The following CDHR3 variants were observed in gnomAD, a reference collection of about 807,000 sequenced individuals.
CDHR3 encodes cadherin related family member 3.
In CDHR3, 79 loss-of-function variants were observed where a neutral mutation model predicts 86.6. The observed-to-expected ratio is 0.91, with a 90% CI of 0.76 to 1.10. The LOEUF (loss-of-function observed/expected upper bound fraction) is 1.10. CDHR3 is among the 50% of genes least tolerant of loss of function. The pLI, the probability that CDHR3 is intolerant of heterozygous loss-of-function variation, is 0.00. For synonymous variants in CDHR3, 421 were observed against 402.4 expected (o/e 1.05, Z -0.55); for missense variants, 1,081 against 1,077.6 (o/e 1.00, Z -0.04).
At chr7:105,982,858 C>G (rs973900827) in intron 3 of CDHR3, among the ~76,000 whole-genome samples, 26 of 152,032 alleles carry the variant, frequency 1.7e-4, no homozygotes, top group African/African-American at 5.3e-4. Flanking sequence ...TGGCAGGTAC[C>G]TGTAGTTCCA....
At chr7:106,003,152 A>AG (rs56254430) in intron 7 of CDHR3, among the ~76,000 whole-genome samples, 27 of 151,324 alleles carry the variant, frequency 1.8e-4, no homozygotes, top group Non-Finnish European at 2.8e-4. Flanking sequence ...AAAAAAAAAA[A>AG]GTGATTCATG....
intron 8 of CDHR3, among the ~76,000 whole-genome samples, chr7:106,009,974 G>C (rs547454442): frequency 1.3e-5 from 2 of 152,308 alleles, no homozygotes; most frequent in East Asian, 1.9e-4. Flanking sequence ...CTGAATGAGG[G>C]GAGTGGCTTT....
At chr7:105,990,530 C>A (rs1185948661) in intron 4 of CDHR3, among the ~76,000 whole-genome samples, 1 of 152,182 alleles carries the variant, frequency 6.6e-6, no homozygotes, top group African/African-American at 2.4e-5. Flanking sequence ...ATATTTGTAA[C>A]TTGCCACAGT....
chr7:106,005,652 G>A (rs1476241387), intron 8 of CDHR3, among the ~76,000 whole-genome samples: 2 of 152,158 alleles, frequency 1.3e-5, no homozygotes, highest in African/African-American at 2.4e-5. Flanking sequence ...TTCTCCAGGC[G>A]ACTCTGGACA....
intron 9 of CDHR3, among the ~76,000 whole-genome samples, chr7:106,014,402 G>A (rs983570316): frequency 4.6e-5 from 7 of 152,002 alleles, no homozygotes; most frequent in African/African-American, 9.7e-5. Context: ...AATTAGGTAC[G>A]GTAAGTATTG....
chr7:106,021,242 A>T (rs1836515709), intron 13 of CDHR3, among the ~76,000 whole-genome samples: 2 of 152,066 alleles, frequency 1.3e-5, no homozygotes, highest in African/African-American at 4.8e-5. Context: ...AGAGATTTAA[A>T]CCCAAACAAG....
chr7:106,026,165 T>C (rs1017235943), intron 15 of CDHR3, among the ~76,000 whole-genome samples: 1 of 152,184 alleles, frequency 6.6e-6, no homozygotes, highest in East Asian at 1.9e-4. Context: ...CTTTGTCAAA[T>C]AGCAAAGAAG....
intron 11 of CDHR3, among the ~76,000 whole-genome samples, chr7:106,016,755 C>T (rs894279881): frequency 1.3e-5 from 2 of 152,216 alleles, no homozygotes; most frequent in African/African-American, 2.4e-5. Context: ...CATTTCCTGA[C>T]ATTAAGTTTT....
At chr7:106,013,397 G>A (rs151144075) in intron 9 of CDHR3, among the ~76,000 whole-genome samples, 158 of 152,268 alleles carry the variant, frequency 1.0e-3, no homozygotes, top group South Asian at 9.3e-3. Flanking sequence ...GAGAAAGCAG[G>A]GCCAGGACCT....
At position 106,018,191 on chromosome 7, in the gene CDHR3, GT is replaced by G. The variant is rs1045283490; in HGVS notation, c.1653+120del. On this transcript the variant is annotated intron_variant, in intron 12 of 18. Coordinates refer to ENST00000317716, the MANE Select transcript of CDHR3 (RefSeq NM_152750.5). ...ACTTCCCAGGGTACATCCTGCGGAT[GT>G]GGTGAGAAACAAGTAAAGGTGCCCT... 1.1e-5 allele frequency: 8 copies of G among 738,146 alleles called. No individual in the cohort carries two copies. The African/African-American group carries it at 1.2e-4, about 11-fold the overall frequency. The allele number at this position is 738,146 out of a possible 1,614,324, so 45.7% of individuals were successfully genotyped here.
rs572476376 is a variant in CDHR3, at chr7:106,023,832, C to A, written c.2077-549C>A. Among the ~76,000 whole-genome samples, 4 of 152,364 alleles carry A rather than the reference C, an allele frequency of 2.6e-5. No individual in the cohort carries two copies. In the East Asian group the frequency reaches 7.7e-4, roughly 29 times the overall value. Reference sequence around the variant, plus strand: ...GTTCCCACCTTTCTTGGGCTCAGAGCATGACCTGATTGTGACATCTCCAAT... The same window carrying A: ...GTTCCCACCTTTCTTGGGCTCAGAGAATGACCTGATTGTGACATCTCCAAT... On this transcript the variant is annotated intron_variant, in intron 14 of 18. Coordinates refer to ENST00000317716, the MANE Select transcript of CDHR3 (RefSeq NM_152750.5).
At chr7:105,974,289 T>C (rs940657513) in intron 1 of CDHR3, among the ~76,000 whole-genome samples, 7 of 152,242 alleles carry the variant, frequency 4.6e-5, no homozygotes, top group African/African-American at 1.7e-4. Flanking sequence ...GCCCTCTGCA[T>C]GATGCCTACA....
chr7:106,004,489 C>T lies in CDHR3; in HGVS notation c.863-9C>T. ...TCAAAGGGTCACGTTCTAACCTTTG[C>T]TTTCTCAGTGACTGGTACAATCCAA... On this transcript the variant is annotated splice_polypyrimidine_tract_variant and intron_variant, in intron 7 of 18. Transcript: ENST00000317716. 6.2e-7 allele frequency: 1 copy of T among 1,612,508 alleles called. No homozygotes were observed. The highest frequency in any genetic ancestry group is 8.5e-7 in the Non-Finnish European group (1 of 1,179,004).
At chr7:105,974,814 A>G in intron 1 of CDHR3, 30 bp from the exon 2 acceptor site, 6 of 1,585,700 alleles carry the variant, frequency 3.8e-6, no homozygotes, top group Non-Finnish European at 4.3e-6. Context: ...CTTTGTGTTC[A>G]TGTCATCCTG....
intron 8 of CDHR3, among the ~76,000 whole-genome samples, chr7:106,009,400 C>A (rs952721313): frequency 6.6e-6 from 1 of 152,250 alleles, no homozygotes; most frequent in African/African-American, 2.4e-5. Context: ...ATCCTCCCAG[C>A]CTTATACCTT....
In CDHR3 at chr7:105,974,892, C is replaced by A. The variant is rs775703748; in HGVS notation, c.95C>A (p.Ala32Glu). The A allele has an allele frequency of 1.9e-6, 3 of 1,613,798 alleles. No homozygotes were observed. The South Asian group carries it at 3.3e-5, about 18-fold the overall frequency. ...CTCTTACCTGCTACAGGCAATGTGGCAGAGAATTCTCCACCTGGGACTTCA... is the reference window on the plus strand; with the variant it reads ...CTCTTACCTGCTACAGGCAATGTGGAAGAGAATTCTCCACCTGGGACTTCA... ...LILLPATGNV[A>E]ENSPPGTSVH... The change falls in exon 2 of 19, where the codon GCA (alanine) becomes GAA (glutamate). Residue 32 changes from alanine to glutamate, a missense_variant. Coordinates refer to ENST00000317716, the MANE Select transcript of CDHR3 (RefSeq NM_152750.5).
chr7:105,968,779 G>C (rs1269429512), intron 1 of CDHR3, among the ~76,000 whole-genome samples: 1 of 152,210 alleles, frequency 6.6e-6, no homozygotes, highest in Non-Finnish European at 1.5e-5. Flanking sequence ...GTCAAGGCAT[G>C]AAGCATGCTG....
At chr7:106,009,823 C>T (rs1464502991) in intron 8 of CDHR3, among the ~76,000 whole-genome samples, 1 of 152,232 alleles carries the variant, frequency 6.6e-6, no homozygotes, top group Non-Finnish European at 1.5e-5. Context: ...TCAGTGAAAG[C>T]GCTTTGCAAG....
At chr7:106,009,476 A>G (rs1360291877) in intron 8 of CDHR3, among the ~76,000 whole-genome samples, 1 of 152,242 alleles carries the variant, frequency 6.6e-6, no homozygotes, top group Non-Finnish European at 1.5e-5. Context: ...TGACAATGGC[A>G]TGGTTCTGCC....
Sources: allele counts gnomAD v4.1 joint callset (sites outside exome capture counted in the v4.1 genomes callset), GRCh38; gene constraint gnomAD v4.1.1; transcripts MANE v1.5; gene names NCBI Gene and HGNC (gene_info 2026-07-23, HGNC 2026-07-21).